LUZP2: variants seen among roughly 807,000 people sequenced by gnomAD.
The protein encoded by LUZP2 is leucine zipper protein 2.
In LUZP2, 52 loss-of-function variants were observed where a neutral mutation model predicts 51.6. The ratio of observed to expected loss-of-function variants is 1.01; its 90% CI spans 0.81 to 1.27. The LOEUF is 1.27. LUZP2 is among the 50% of genes most tolerant of loss of function. The pLI is 0.00. For synonymous variants in LUZP2, 154 were observed against 137.3 expected (o/e 1.12, Z -0.85); for missense variants, 436 against 395.4 (o/e 1.10, Z -0.87).
chr11:24,794,322 C>G (rs573450919), intron 5 of LUZP2, among the ~76,000 whole-genome samples: 1 of 152,084 alleles, frequency 6.6e-6, no homozygotes, highest in East Asian at 1.9e-4. Context: ...TCTTTATGTA[C>G]AGAGATGAGT....
chr11:24,756,780 T>C (rs1466425784), intron 4 of LUZP2, among the ~76,000 whole-genome samples: 2 of 152,164 alleles, frequency 1.3e-5, no homozygotes, highest in African/African-American at 2.4e-5. Context: ...ACTACTTAGC[T>C]GGAGATAGTG....
At chr11:24,695,869 A>C (rs1324444509) in intron 1 of LUZP2, among the ~76,000 whole-genome samples, 2 of 152,062 alleles carry the variant, frequency 1.3e-5, no homozygotes, top group African/African-American at 4.8e-5. Context: ...GAAAATTTAA[A>C]ATATGCATAT....
chr11:24,945,195 C>G (rs186490552), intron 7 of LUZP2, among the ~76,000 whole-genome samples: 228 of 152,270 alleles, frequency 1.5e-3, no homozygotes, highest in African/African-American at 5.3e-3. Flanking sequence ...GCATCTTTCT[C>G]TGCTCCTCCT....
intron 9 of LUZP2, among the ~76,000 whole-genome samples, chr11:25,002,331 G>A (rs1420804729): frequency 6.6e-6 from 1 of 152,134 alleles, no homozygotes; most frequent in Non-Finnish European, 1.5e-5. Context: ...ACTTCCAAGA[G>A]ATCATCTCGG....
chr11:24,959,998 T>C (rs1457022901), intron 7 of LUZP2, among the ~76,000 whole-genome samples: 1 of 152,216 alleles, frequency 6.6e-6, no homozygotes, highest in East Asian at 1.9e-4. Context: ...TCTGCATCTA[T>C]TGAGATAATC....
intron 5 of LUZP2, among the ~76,000 whole-genome samples, chr11:24,864,211 CA>C (rs1310945984): frequency 6.6e-6 from 1 of 152,068 alleles, no homozygotes; most frequent in African/African-American, 2.4e-5. Flanking sequence ...GCCTGATACA[CA>C]CATGTTTGAA....
intron 5 of LUZP2, among the ~76,000 whole-genome samples, chr11:24,819,840 G>C (rs746755604): frequency 2.0e-4 from 30 of 152,056 alleles, no homozygotes; most frequent in Non-Finnish European, 3.4e-4. Context: ...TGTTTCTATA[G>C]TAATAATTTT....
rs540811511 is a variant in LUZP2 at position 24,512,670 on chromosome 11, C to T, written c.62+15365C>T. ...CTCTAACACTTAATACGAAGTTCAA[C>T]GTTACTTTTTGTATACTAAATATAG... On this transcript the variant is annotated intron_variant, in intron 1 of 11. Coordinates refer to ENST00000336930, the MANE Select transcript of LUZP2 (RefSeq NM_001009909.4). 9.9e-5 allele frequency among the ~76,000 whole-genome samples: 15 copies of T among 151,986 alleles called. No homozygotes were observed. The East Asian group carries it at 2.3e-3, about 23-fold the overall frequency.
intron 1 of LUZP2, among the ~76,000 whole-genome samples, chr11:24,697,766 G>A (rs1181926944): frequency 6.6e-6 from 1 of 152,070 alleles, no homozygotes; most frequent in Non-Finnish European, 1.5e-5. Flanking sequence ...TCATGTAGCT[G>A]GATATCATAA....
chr11:24,592,790 T>G (rs950181951), intron 1 of LUZP2, among the ~76,000 whole-genome samples: 6 of 151,884 alleles, frequency 4.0e-5, no homozygotes, highest in African/African-American at 1.5e-4. Flanking sequence ...TTAGGAGAGA[T>G]AGTAAAATAT....
At chr11:24,595,034 A>C (rs1342148757) in intron 1 of LUZP2, among the ~76,000 whole-genome samples, 7 of 152,120 alleles carry the variant, frequency 4.6e-5, no homozygotes, top group Admixed American at 4.6e-4. Context: ...TGCTGGGATT[A>C]CAGGCGTAAG....
At chr11:24,832,770 A>G (rs1046460523) in intron 5 of LUZP2, among the ~76,000 whole-genome samples, 4 of 152,108 alleles carry the variant, frequency 2.6e-5, no homozygotes, top group African/African-American at 9.6e-5. Flanking sequence ...TCACAATAAT[A>G]TTAATGTCAG....
At chr11:24,907,431 T>C (rs1413527330) in intron 6 of LUZP2, among the ~76,000 whole-genome samples, 2 of 152,102 alleles carry the variant, frequency 1.3e-5, no homozygotes, top group South Asian at 2.1e-4. Flanking sequence ...TAAAAGATGA[T>C]GTTCCATAGG....
intron 8 of LUZP2, among the ~76,000 whole-genome samples, chr11:24,980,256 G>A (rs1042587601): frequency 1.3e-5 from 2 of 148,516 alleles, no homozygotes; most frequent in African/African-American, 2.5e-5. Flanking sequence ...TCTTTGCAAG[G>A]TATATCTTGT....
chr11:24,807,644 G>A (rs1292074927), intron 5 of LUZP2, among the ~76,000 whole-genome samples: 3 of 151,982 alleles, frequency 2.0e-5, no homozygotes, highest in Non-Finnish European at 2.9e-5. Context: ...TAATGAATTG[G>A]GGGTGTGTGG....
chr11:24,577,366 G>A (rs1026129047), intron 1 of LUZP2, among the ~76,000 whole-genome samples: 10 of 151,966 alleles, frequency 6.6e-5, no homozygotes, highest in Admixed American at 5.9e-4. Flanking sequence ...GTTTTTCAAG[G>A]CTGCGGAATC....
At chr11:24,651,019 C>T (rs1195136913) in intron 1 of LUZP2, among the ~76,000 whole-genome samples, 1 of 152,032 alleles carries the variant, frequency 6.6e-6, no homozygotes, top group Non-Finnish European at 1.5e-5. Context: ...TTGTCATACA[C>T]CAGGGCCATT....
chr11:25,022,222 C>A (rs1402291263), intron 9 of LUZP2, among the ~76,000 whole-genome samples: 2 of 151,922 alleles, frequency 1.3e-5, no homozygotes, highest in African/African-American at 4.8e-5. Flanking sequence ...AATTTTCTTT[C>A]ATTATAATTA....
intron 5 of LUZP2, chr11:24,893,097 C>G (rs1590697852): frequency 6.6e-6 from 1 of 152,072 alleles, no homozygotes; most frequent in East Asian, 1.9e-4. Context: ...CAGCTTTTGT[C>G]AAATGAAGCA....
Sources: allele counts gnomAD v4.1 joint callset (sites outside exome capture counted in the v4.1 genomes callset), GRCh38; gene constraint gnomAD v4.1.1; transcripts MANE v1.5; gene names NCBI Gene and HGNC (gene_info 2026-07-23, HGNC 2026-07-21).